ALK: variants seen among roughly 807,000 people sequenced by gnomAD.
ALK encodes the protein ALK tyrosine kinase receptor.
In ALK, 74 loss-of-function variants were observed where a neutral mutation model predicts 163.1. The observed-to-expected ratio is 0.45, with a 90% confidence interval of 0.38 to 0.55. ALK has a LOEUF of 0.55. Among genes scored for constraint, ALK ranks in the 20% least tolerant of loss-of-function variants. The pLI is 0.00. For missense variants in ALK, 2,063 were observed against 2,105.3 expected (o/e 0.98, Z 0.39); for synonymous variants, 960 against 843.2 (o/e 1.14, Z -2.40).
chr2:29,764,792 A>G (rs13406644), intron 1 of ALK, among the ~76,000 whole-genome samples: 2,713 of 152,250 alleles, frequency 0.018, 97 homozygotes, highest in African/African-American at 0.062. Flanking sequence ...TTTTCATGAA[A>G]TCTGTTTCTG....
chr2:29,837,133 T>C (rs1296166418), intron 1 of ALK, among the ~76,000 whole-genome samples: 1 of 152,196 alleles, frequency 6.6e-6, no homozygotes, highest in African/African-American at 2.4e-5. Flanking sequence ...GTTGTATGTT[T>C]CACAGTATAA....
intron 1 of ALK, among the ~76,000 whole-genome samples, chr2:29,819,850 A>G (rs1214388500): frequency 2.0e-5 from 3 of 152,052 alleles, no homozygotes; most frequent in Admixed American, 2.0e-4. Context: ...ACATTCCCCA[A>G]TCCATGATCC....
At chr2:29,361,728 T>G (rs1447800195) in intron 5 of ALK, among the ~76,000 whole-genome samples, 3 of 152,194 alleles carry the variant, frequency 2.0e-5, no homozygotes. Context: ...CCAGGACTTC[T>G]GCTTTGGGCT....
At chr2:29,761,443 C>T (rs1292461088) in intron 1 of ALK, among the ~76,000 whole-genome samples, 1 of 152,180 alleles carries the variant, frequency 6.6e-6, no homozygotes, top group African/African-American at 2.4e-5. Context: ...TGAGGATTAG[C>T]TCTCCCCCTT....
At chr2:29,580,679 T>C (rs748255145) in intron 3 of ALK, among the ~76,000 whole-genome samples, 9 of 152,228 alleles carry the variant, frequency 5.9e-5, no homozygotes, top group Non-Finnish European at 1.0e-4. Context: ...GATTTCTAAA[T>C]TACGCTAAAC....
At chr2:29,444,700 T>G (rs1384957503) in intron 4 of ALK, among the ~76,000 whole-genome samples, 1 of 152,218 alleles carries the variant, frequency 6.6e-6, no homozygotes, top group African/African-American at 2.4e-5. Context: ...TTTATTAAAC[T>G]CAAAAGTTCA....
At chr2:29,396,221 C>T (rs757351464) in intron 4 of ALK, among the ~76,000 whole-genome samples, 5 of 152,134 alleles carry the variant, frequency 3.3e-5, no homozygotes, top group Non-Finnish European at 7.3e-5. Flanking sequence ...TGGATAATAA[C>T]GCTGTTGCAG....
chr2:29,738,480 T>C (rs1223971462), intron 1 of ALK, among the ~76,000 whole-genome samples: 2 of 152,090 alleles, frequency 1.3e-5, no homozygotes, highest in Non-Finnish European at 2.9e-5. Flanking sequence ...TACTACTTTG[T>C]TGTCACTCCA....
At chr2:29,386,111 A>G (rs552066316) in intron 4 of ALK, among the ~76,000 whole-genome samples, 6 of 152,138 alleles carry the variant, frequency 3.9e-5, no homozygotes, top group African/African-American at 1.2e-4. Context: ...GTGCTCCTGG[A>G]TGGTAGCTTT....
At chr2:29,236,852 C>A (rs1346176639) in intron 13 of ALK, among the ~76,000 whole-genome samples, 1 of 152,174 alleles carries the variant, frequency 6.6e-6, no homozygotes, top group Non-Finnish European at 1.5e-5. Flanking sequence ...ATGCTAATTT[C>A]TCCAATATTT....
chr2:29,388,365 T>C (rs934046265), intron 4 of ALK, among the ~76,000 whole-genome samples: 5 of 152,180 alleles, frequency 3.3e-5, no homozygotes, highest in Non-Finnish European at 5.9e-5. Context: ...GGGCATCATG[T>C]TGACATAGGG....
intron 5 of ALK, among the ~76,000 whole-genome samples, chr2:29,347,420 G>A (rs764086085): frequency 3.9e-4 from 60 of 152,154 alleles, no homozygotes; most frequent in Admixed American, 1.1e-3. Flanking sequence ...ACTAAATGCC[G>A]TCCTTTGGTT....
chr2:29,454,472 A>G (rs1180052955), intron 4 of ALK, among the ~76,000 whole-genome samples: 1 of 151,914 alleles, frequency 6.6e-6, no homozygotes, highest in African/African-American at 2.4e-5. Flanking sequence ...TTTTTTTCCT[A>G]GTAGTTTTGA....
intron 1 of ALK, among the ~76,000 whole-genome samples, chr2:29,880,439 G>C (rs1666827351): frequency 1.3e-5 from 2 of 152,130 alleles, no homozygotes; most frequent in East Asian, 3.9e-4. Context: ...TTAAATGTTG[G>C]GGGGTCACAG....
At chr2:29,330,665 A>C (rs1667412177) in intron 5 of ALK, among the ~76,000 whole-genome samples, 2 of 152,194 alleles carry the variant, frequency 1.3e-5, no homozygotes, top group African/African-American at 4.8e-5. Context: ...TGTGATTAAG[A>C]ATCTTTAGCT....
In ALK at chr2:29,242,154, C is replaced by T. The variant is rs559481496; in HGVS notation, c.2205-2324G>A. ...TGAACCTGGGCAGGGGACGATGTGGCGGCTTCCTGTAGTCTAGGGACAGCA... is the reference window on the plus strand; with the variant it reads ...TGAACCTGGGCAGGGGACGATGTGGTGGCTTCCTGTAGTCTAGGGACAGCA... On this transcript the variant is annotated intron_variant, in intron 12 of 28. Transcript: ENST00000389048. Among the ~76,000 whole-genome samples, 13 of 152,292 alleles carry T rather than the reference C, an allele frequency of 8.5e-5. 1 individual carries two copies. In the South Asian group the frequency reaches 1.5e-3, roughly 17 times the overall value.
At chr2:29,366,110 A>C (rs1439667417) in intron 5 of ALK, among the ~76,000 whole-genome samples, 1 of 152,162 alleles carries the variant, frequency 6.6e-6, no homozygotes, top group Non-Finnish European at 1.5e-5. Context: ...TACATCCTTG[A>C]GTCTAAAAAG....
chr2:29,535,740 C>T (rs559738950), intron 3 of ALK, among the ~76,000 whole-genome samples: 2 of 152,284 alleles, frequency 1.3e-5, no homozygotes, highest in Admixed American at 1.3e-4. Context: ...GTGTTGGATA[C>T]AGTCTCTCTA....
At chr2:29,222,637 G>C (rs770896161) in intron 20 of ALK, 30 bp from the exon 21 acceptor site, 2 of 1,600,068 alleles carry the variant, frequency 1.2e-6, no homozygotes, top group South Asian at 1.1e-5. Context: ...AGAGGAGACA[G>C]AGTCAAACAG....
Sources: allele counts gnomAD v4.1 joint callset (sites outside exome capture counted in the v4.1 genomes callset), GRCh38; gene constraint gnomAD v4.1.1; transcripts MANE v1.5; gene names NCBI Gene and HGNC (gene_info 2026-07-23, HGNC 2026-07-21).